The following THSD7A variants were observed in gnomAD, a reference collection of about 807,000 sequenced individuals.
THSD7A encodes thrombospondin type-1 domain-containing protein 7A.
In THSD7A, 96 loss-of-function variants were observed where a neutral mutation model predicts 231.3. The observed-to-expected ratio is 0.41, with a 90% CI of 0.35 to 0.49. The LOEUF is 0.49. Ranked by LOEUF, THSD7A falls within the 20% of genes least tolerant of loss-of-function variation. The pLI is 0.05. For missense variants in THSD7A, 2,290 were observed against 2,070.2 expected, an observed-to-expected ratio of 1.11 and a Z score of -2.06; for synonymous variants, 940 against 743.3, an observed-to-expected ratio of 1.26 and a Z score of -4.30.
intron 1 of THSD7A, among the ~76,000 whole-genome samples, chr7:11,728,056 C>A (rs1039044738): frequency 6.6e-5 from 10 of 151,980 alleles, no homozygotes; most frequent in Admixed American, 5.9e-4. Flanking sequence ...GACCAGCAGT[C>A]TCAGAATCAT....
intron 4 of THSD7A, among the ~76,000 whole-genome samples, chr7:11,576,719 T>A (rs1457642282): frequency 6.6e-6 from 1 of 152,222 alleles, no homozygotes; most frequent in Non-Finnish European, 1.5e-5. Flanking sequence ...AGACTCCATA[T>A]TGACCTTATA....
At chr7:11,615,887 T>A (rs1314759196) in intron 2 of THSD7A, among the ~76,000 whole-genome samples, 1 of 152,178 alleles carries the variant, frequency 6.6e-6, no homozygotes, top group Non-Finnish European at 1.5e-5. Context: ...GGAAACACAC[T>A]CAGATTTAGA....
At chr7:11,808,198 C>G (rs1784445695) in intron 1 of THSD7A, among the ~76,000 whole-genome samples, 1 of 152,004 alleles carries the variant, frequency 6.6e-6, no homozygotes, top group African/African-American at 2.4e-5. Flanking sequence ...TGTGTCCCTT[C>G]CAAAATTAAG....
At chr7:11,378,940 A>G (rs1782392226) in intron 26 of THSD7A, 130 bp downstream of exon 26, 1 of 782,476 alleles carries the variant, frequency 1.3e-6, no homozygotes, top group South Asian at 1.9e-5. Flanking sequence ...AGATGGCACT[A>G]TCAGAATAAA....
Position 11,738,498 on chromosome 7 carries a change from G to A in THSD7A, c.190+93259C>T, listed in dbSNP as rs569602473. On this transcript the variant is annotated intron_variant, in intron 1 of 27. Transcript: ENST00000423059. ...ACTTTACTCTTCTTTTGAAGTGGCA[G>A]TATGATGTAGTTGTTAACCATGTTA... Among the ~76,000 whole-genome samples, 5 of 151,924 alleles carry A rather than the reference G, an allele frequency of 3.3e-5. 1 individual carries two copies. The South Asian group carries it at 1.0e-3, about 31-fold the overall frequency.
At chr7:11,418,004 C>G (rs1784018581) in intron 16 of THSD7A, among the ~76,000 whole-genome samples, 1 of 152,070 alleles carries the variant, frequency 6.6e-6, no homozygotes, top group East Asian at 1.9e-4. Flanking sequence ...GCATATAATG[C>G]ATTTATTCTT....
chr7:11,487,229 T>G (rs1253105623), intron 6 of THSD7A, among the ~76,000 whole-genome samples: 2 of 152,164 alleles, frequency 1.3e-5, no homozygotes, highest in Non-Finnish European at 2.9e-5. Context: ...TATCTCTTAT[T>G]ATCAGGATAA....
At chr7:11,591,334 T>C (rs1780156795) in intron 3 of THSD7A, among the ~76,000 whole-genome samples, 1 of 152,032 alleles carries the variant, frequency 6.6e-6, no homozygotes, top group Non-Finnish European at 1.5e-5. Flanking sequence ...CAACACGTGA[T>C]TGAAGGAGAT....
rs1044387230 is a variant in THSD7A at position 11,831,710 on chromosome 7, T to C, written c.190+47A>G. On this transcript the variant is annotated intron_variant, in intron 1 of 27. Coordinates refer to ENST00000423059, the MANE Select transcript of THSD7A (RefSeq NM_015204.3). The surrounding 1 kb of genome is among the most constrained non-coding windows in gnomAD (Gnocchi z 5.0). The stretch of plus-strand genomic sequence containing the variant: ...ACAGAAGCCCACCAGCTCCTTAATG[T>C]GGCCCCAGATGTGAAGATGGGGAAA... 5.3e-6 allele frequency: 7 copies of C among 1,317,936 alleles called. No homozygotes were observed. The East Asian group carries it at 2.0e-4, about 38-fold the overall frequency. 81.6% of individuals were successfully genotyped at this position (1,317,936 alleles called of 1,614,324 possible). A position where few individuals can be genotyped will look rare whatever the true frequency, so the allele number is the denominator to read the frequency against.
chr7:11,777,549 A>G (rs1783453797), intron 1 of THSD7A, among the ~76,000 whole-genome samples: 2 of 152,116 alleles, frequency 1.3e-5, no homozygotes, highest in Non-Finnish European at 2.9e-5. Flanking sequence ...CCATGTGGAC[A>G]TATCATCTCC....
At chr7:11,443,361 A>T (rs1388737603) in intron 13 of THSD7A, among the ~76,000 whole-genome samples, 1 of 152,064 alleles carries the variant, frequency 6.6e-6, no homozygotes, top group South Asian at 2.1e-4. Flanking sequence ...AAGAGAATTT[A>T]TATTTTTCTT....
chr7:11,544,723 T>A (rs1789303326), intron 4 of THSD7A, among the ~76,000 whole-genome samples: 1 of 152,150 alleles, frequency 6.6e-6, no homozygotes, highest in African/African-American at 2.4e-5. Context: ...ACTACCACAG[T>A]TTTTGTTCTG....
chr7:11,541,269 G>A (rs1275371980), intron 6 of THSD7A, 150 bp downstream of exon 6: 5 of 750,428 alleles, frequency 6.7e-6, no homozygotes, highest in African/African-American at 1.8e-5. Context: ...AAGAGACAGG[G>A]AAAGAGAGGG....
intron 7 of THSD7A, 29 bp downstream of exon 7, chr7:11,481,759 C>T: frequency 6.4e-7 from 1 of 1,561,984 alleles, no homozygotes; most frequent in Non-Finnish European, 8.7e-7. Context: ...TGAAACGAAC[C>T]TAGATGGCGT....
At chr7:11,564,403 T>G (rs1790215153) in intron 4 of THSD7A, among the ~76,000 whole-genome samples, 1 of 152,212 alleles carries the variant, frequency 6.6e-6, no homozygotes, top group African/African-American at 2.4e-5. Context: ...GAATGCTGCG[T>G]GTCAGCAAGT....
intron 1 of THSD7A, among the ~76,000 whole-genome samples, chr7:11,738,183 T>G (rs1293797075): frequency 6.6e-6 from 1 of 151,988 alleles, no homozygotes; most frequent in Non-Finnish European, 1.5e-5. Context: ...GTGTTTCAGA[T>G]TTTGGATTTT....
intron 23 of THSD7A, among the ~76,000 whole-genome samples, chr7:11,391,193 C>T (rs1382204383): frequency 1.3e-5 from 2 of 152,202 alleles, no homozygotes; most frequent in African/African-American, 4.8e-5. Context: ...GCTGCACTCA[C>T]AGTGCCCCTT....
At chr7:11,756,783 G>A (rs575791958) in intron 1 of THSD7A, among the ~76,000 whole-genome samples, 1 of 152,156 alleles carries the variant, frequency 6.6e-6, no homozygotes, top group Non-Finnish European at 1.5e-5. Context: ...ATACAGAAAG[G>A]AAAGGCAATA....
At position 11,593,398 on chromosome 7, in the gene THSD7A, C is replaced by A; in HGVS notation, c.1127G>T (p.Cys376Phe). The change falls in exon 3 of 28, where the codon TGC (cysteine) becomes TTC (phenylalanine). Residue 376 changes from cysteine to phenylalanine, a missense_variant. Transcript: ENST00000423059. ...WSEWSPCSKT[C>F]HDMVSPAGTR... ...GCCTGCAGGGGACACCATGTCATGG[C>A]ATGTTTTTGAGCAGGGGCTCCACTC... 6.2e-7 allele frequency: 1 copy of A among 1,614,024 alleles called. No individual in the cohort carries two copies. Among genetic ancestry groups the A allele is most frequent in the Non-Finnish European group, 8.5e-7 (1 of 1,179,888 alleles).
Sources: allele counts gnomAD v4.1 joint callset (sites outside exome capture counted in the v4.1 genomes callset), GRCh38; gene constraint gnomAD v4.1.1; non-coding constraint Gnocchi (gnomAD v3.1); transcripts MANE v1.5; gene names NCBI Gene and HGNC (gene_info 2026-07-23, HGNC 2026-07-21).